The following DOCK3 variants were observed in gnomAD, a reference collection of about 807,000 sequenced individuals.
The protein encoded by DOCK3 is dedicator of cytokinesis 3.
A neutral mutation model predicts 265.6 loss-of-function variants in DOCK3; 60 were observed. That is an observed-to-expected ratio of 0.23 (90% CI 0.18 to 0.28). DOCK3 has a LOEUF of 0.28. Among genes scored for constraint, DOCK3 ranks in the 10% least tolerant of loss-of-function variants. The pLI, the probability that DOCK3 is intolerant of heterozygous loss-of-function variation, is 1.00. For missense variants in DOCK3, 1,981 were observed against 2,594.3 expected (o/e 0.76, Z 5.14); for synonymous variants, 881 against 938.0 (o/e 0.94, Z 1.11).
chr3:50,806,919 G>A (rs1231143967), intron 2 of DOCK3, among the ~76,000 whole-genome samples: 2 of 151,864 alleles, frequency 1.3e-5, no homozygotes, highest in East Asian at 3.9e-4. Flanking sequence ...ACTGGACTCA[G>A]GGGGTGTAAG....
At chr3:51,299,855 C>T (rs1263997290) in intron 27 of DOCK3, among the ~76,000 whole-genome samples, 2 of 152,250 alleles carry the variant, frequency 1.3e-5, no homozygotes, top group African/African-American at 2.4e-5. Flanking sequence ...GTGATGCATA[C>T]AGTTTTGTTC....
chr3:51,107,252 G>C (rs1308929539), intron 9 of DOCK3, among the ~76,000 whole-genome samples: 2 of 152,122 alleles, frequency 1.3e-5, no homozygotes, highest in African/African-American at 4.8e-5. Flanking sequence ...AGCCCACAAA[G>C]ATGAGAAAGA....
chr3:50,950,282 ACT>A (rs2076553579), intron 5 of DOCK3, among the ~76,000 whole-genome samples: 1 of 150,812 alleles, frequency 6.6e-6, no homozygotes, highest in South Asian at 2.1e-4. Flanking sequence ...AAATCTACTG[ACT>A]CTTGCTTTTG....
intron 1 of DOCK3, among the ~76,000 whole-genome samples, chr3:50,688,260 G>A (rs2086827): frequency 0.78 from 119,070 of 152,062 alleles, 47,671 homozygotes; most frequent in Middle Eastern, 0.89. Flanking sequence ...TGTTCTTAGT[G>A]TTTCATTTTT....
At chr3:51,029,001 C>T (rs1234050897) in intron 5 of DOCK3, among the ~76,000 whole-genome samples, 1 of 152,068 alleles carries the variant, frequency 6.6e-6, no homozygotes, top group Non-Finnish European at 1.5e-5. Flanking sequence ...TGCCAGAGTT[C>T]TTGTGCTGAT....
chr3:51,120,159 AT>A (rs1339247794), intron 9 of DOCK3, among the ~76,000 whole-genome samples: 1 of 151,878 alleles, frequency 6.6e-6, no homozygotes, highest in African/African-American at 2.4e-5. Flanking sequence ...GCATGGTCGT[AT>A]TTTTTGCTGA....
chr3:50,724,781 C>A (rs539406858), intron 1 of DOCK3, among the ~76,000 whole-genome samples: 119 of 152,016 alleles, frequency 7.8e-4, no homozygotes, highest in Non-Finnish European at 1.2e-3. Context: ...CACATGTATA[C>A]CTATGTAGCA....
intron 22 of DOCK3, among the ~76,000 whole-genome samples, chr3:51,250,676 T>G (rs1341820276): frequency 6.6e-6 from 1 of 151,918 alleles, no homozygotes; most frequent in African/African-American, 2.4e-5. Context: ...ATAAACAAGA[T>G]TATGGAACAG....
chr3:51,016,960 T>TTATATA (rs200890236), intron 5 of DOCK3, among the ~76,000 whole-genome samples: 1 of 106,904 alleles, frequency 9.4e-6, no homozygotes, highest in African/African-American at 3.8e-5. Flanking sequence ...AATATATATA[T>TTATATA]TATATATATA....
chr3:50,936,504 G>A (rs2051371117), intron 5 of DOCK3, among the ~76,000 whole-genome samples: 1 of 151,898 alleles, frequency 6.6e-6, no homozygotes, highest in Admixed American at 6.6e-5. Context: ...TCTATACTCA[G>A]ACACATCATA....
At chr3:51,006,252 C>CTTT (rs11435468) in intron 5 of DOCK3, among the ~76,000 whole-genome samples, 4 of 143,952 alleles carry the variant, frequency 2.8e-5, no homozygotes, top group Admixed American at 6.9e-5. Context: ...CCCAATCCTG[C>CTTT]TTTTTTTTTT....
chr3:51,377,384 C>T (rs969771330), intron 51 of DOCK3, among the ~76,000 whole-genome samples: 1 of 152,252 alleles, frequency 6.6e-6, no homozygotes. Context: ...TGTCATCATT[C>T]TCTTGTCTGT....
chr3:51,283,892 T>C (rs1422685951), intron 27 of DOCK3, among the ~76,000 whole-genome samples: 1 of 152,186 alleles, frequency 6.6e-6, no homozygotes, highest in Non-Finnish European at 1.5e-5. Flanking sequence ...CCTGAAACAG[T>C]GCAGAGAAGG....
chr3:50,681,263 CAAAA>C (rs762811470), intron 1 of DOCK3, among the ~76,000 whole-genome samples: 1 of 152,168 alleles, frequency 6.6e-6, no homozygotes, highest in South Asian at 2.1e-4. Context: ...AGGGCAGTCT[CAAAA>C]GAATGGTCAT....
At chr3:51,145,374 C>A (rs1312078979) in intron 9 of DOCK3, among the ~76,000 whole-genome samples, 1 of 152,068 alleles carries the variant, frequency 6.6e-6, no homozygotes, top group Non-Finnish European at 1.5e-5. Flanking sequence ...TGCTATCCCT[C>A]CCCACTCCGC....
chr3:51,219,198 T>C (rs1189512269), intron 14 of DOCK3, among the ~76,000 whole-genome samples: 3 of 152,208 alleles, frequency 2.0e-5, no homozygotes, highest in Non-Finnish European at 4.4e-5. Context: ...TTTCTTTCTT[T>C]TCGTGTTTGT....
chr3:51,379,527 G>C (rs2088435440), intron 51 of DOCK3: 1 of 985,346 alleles, frequency 1.0e-6, no homozygotes, highest in Non-Finnish European at 1.2e-6. Flanking sequence ...GCCCATATGG[G>C]GCGCATCCTG....
Position 51,356,102 on chromosome 3 carries a change from T to C in DOCK3, c.4263T>C (p.Tyr1421=). 1.9e-6 allele frequency: 3 copies of C among 1,613,966 alleles called. No homozygotes were observed. The highest frequency in any genetic ancestry group is 1.7e-6 in the Non-Finnish European group (2 of 1,179,866). Residue 1421 remains tyrosine (Y), a synonymous_variant, in exon 42 of 53, where the codon TAT becomes TAC. Coordinates refer to ENST00000266037, the MANE Select transcript of DOCK3 (RefSeq NM_004947.5). ...CTTCCTGCCCAGACTTGCAGATCTA[T>C]GCAGTGACGCCCATTCCAGATTATG... The part of the protein sequence containing the change: ...LQCDAQYLQI[Y]AVTPIPDYVD...
At chr3:50,788,886 G>C (rs942791657) in intron 2 of DOCK3, among the ~76,000 whole-genome samples, 1 of 152,206 alleles carries the variant, frequency 6.6e-6, no homozygotes. Context: ...CCCTTCCTTT[G>C]TTGGCCACCC....
Sources: allele counts gnomAD v4.1 joint callset (sites outside exome capture counted in the v4.1 genomes callset), GRCh38; gene constraint gnomAD v4.1.1; transcripts MANE v1.5; gene names NCBI Gene and HGNC (gene_info 2026-07-23, HGNC 2026-07-21).